FANCI: variants seen among roughly 807,000 people sequenced by gnomAD.
FANCI encodes the protein FA complementation group I.
In FANCI, 156 loss-of-function variants were observed where a neutral mutation model predicts 176.1. The ratio of observed to expected loss-of-function variants is 0.89; its 90% confidence interval spans 0.78 to 1.01. The LOEUF (loss-of-function observed/expected upper bound fraction) is 1.01. FANCI is among the 50% of genes least tolerant of loss of function. The pLI, the probability that FANCI is intolerant of heterozygous loss-of-function variation, is 0.00. For missense variants in FANCI, 1,678 were observed against 1,534.1 expected (o/e 1.09, Z -1.57); for synonymous variants, 613 against 541.7 (o/e 1.13, Z -1.83).
rs757908899 is a variant in FANCI at position 89,292,939 on chromosome 15, T to C, written c.2170-3T>C. 3.1e-6 allele frequency: 5 copies of C among 1,614,128 alleles called. No homozygotes were observed. In the Admixed American group the frequency reaches 8.3e-5, roughly 27 times the overall value. Reference sequence around the variant, plus strand: ...TTGTTAATTTTTATCTTGTGTCTTTTAGGATAAATCAGCAGATTTTTCTCA... The same window carrying C: ...TTGTTAATTTTTATCTTGTGTCTTTCAGGATAAATCAGCAGATTTTTCTCA... On this transcript the variant is annotated splice_region_variant and splice_polypyrimidine_tract_variant and intron_variant, in intron 21 of 37. Transcript: ENST00000310775.
intron 34 of FANCI, 26 bp downstream of exon 34, chr15:89,307,698 A>G (rs1055243964): frequency 3.7e-6 from 6 of 1,614,136 alleles, no homozygotes; most frequent in Admixed American, 3.3e-5. Flanking sequence ...GCAGTACCCA[A>G]TAGGTCTTCA....
intron 14 of FANCI, among the ~76,000 whole-genome samples, chr15:89,279,956 A>T (rs1596281510): frequency 6.6e-6 from 1 of 152,184 alleles, no homozygotes; most frequent in South Asian, 2.1e-4. Flanking sequence ...ACACATTAGT[A>T]TTCCTAAAAT....
chr15:89,302,363 AC>A (rs1412903090), intron 27 of FANCI, among the ~76,000 whole-genome samples: 1 of 152,072 alleles, frequency 6.6e-6, no homozygotes, highest in African/African-American at 2.4e-5. Context: ...GTTCTTTCAT[AC>A]TGCTGTTTTT....
At chr15:89,296,789 C>T (rs909163259) in intron 24 of FANCI, among the ~76,000 whole-genome samples, 18 of 151,348 alleles carry the variant, frequency 1.2e-4, no homozygotes, top group East Asian at 5.9e-4. Context: ...CCAGACGGGG[C>T]GGCTGGCCAG....
chr15:89,307,986 C>T (rs535983568), intron 34 of FANCI: 4 of 1,260,732 alleles, frequency 3.2e-6, no homozygotes, highest in East Asian at 8.4e-5. Context: ...TGCCATGAGG[C>T]ATCCTCTGGG....
chr15:89,268,567 G>C (rs1025656605), intron 10 of FANCI, 42 bp downstream of exon 10: 1 of 1,612,222 alleles, frequency 6.2e-7, no homozygotes. Flanking sequence ...TCTTTTGAAT[G>C]AAAGTGTTTG....
intron 9 of FANCI, among the ~76,000 whole-genome samples, chr15:89,267,332 ATTTTTTTT>A (rs1159827768): frequency 1.1e-5 from 1 of 94,738 alleles, no homozygotes; most frequent in African/African-American, 2.9e-5. Context: ...AAAAAAAAAA[ATTTTTTTT>A]TTTTTTTTTG....
intron 3 of FANCI, 66 bp from the exon 4 acceptor site, chr15:89,260,647 C>A: frequency 6.3e-7 from 1 of 1,589,988 alleles, no homozygotes. Context: ...CAAACCTGTT[C>A]GTTTTTCCTA....
At chr15:89,300,185 A>G in intron 25 of FANCI, 115 bp from the exon 26 acceptor site, 3 of 1,155,830 alleles carry the variant, frequency 2.6e-6, no homozygotes, top group Non-Finnish European at 3.8e-6. Context: ...ACAAAATTTT[A>G]GAAATTTAAG....
intron 24 of FANCI, among the ~76,000 whole-genome samples, chr15:89,297,410 G>A (rs1456365055): frequency 3.9e-5 from 6 of 152,114 alleles, no homozygotes; most frequent in South Asian, 4.1e-4. Context: ...CAAGGCAGGC[G>A]GCTGGGAGGT....
intron 2 of FANCI, among the ~76,000 whole-genome samples, chr15:89,251,339 C>A (rs923730228): frequency 2.0e-5 from 3 of 152,270 alleles, no homozygotes; most frequent in Non-Finnish European, 4.4e-5. Context: ...TACAAAAACA[C>A]CAGGCCCAGA....
chr15:89,312,346 A>C (rs2054997632), intron 34 of FANCI, among the ~76,000 whole-genome samples: 1 of 152,208 alleles, frequency 6.6e-6, no homozygotes. Flanking sequence ...TCCTGCCTTC[A>C]ACTTCCATGT....
intron 27 of FANCI, among the ~76,000 whole-genome samples, chr15:89,302,540 C>T (rs2054561887): frequency 6.6e-6 from 1 of 151,992 alleles, no homozygotes; most frequent in African/African-American, 2.4e-5. Flanking sequence ...CCACCTACCC[C>T]TTCTCCCTTA....
At chr15:89,307,027 A>G (rs1034247096) in intron 32 of FANCI, among the ~76,000 whole-genome samples, 8 of 152,220 alleles carry the variant, frequency 5.3e-5, no homozygotes, top group South Asian at 2.1e-4. Flanking sequence ...GTTCCTAGCA[A>G]TGATCCATAT....
chr15:89,248,774 A>T (rs1302762934), intron 2 of FANCI, among the ~76,000 whole-genome samples: 1 of 151,862 alleles, frequency 6.6e-6, no homozygotes, highest in Non-Finnish European at 1.5e-5. Context: ...ATTAATGCAA[A>T]ATCAGCTTTT....
chr15:89,244,901 A>T (rs945677004), intron 1 of FANCI, among the ~76,000 whole-genome samples: 1 of 152,180 alleles, frequency 6.6e-6, no homozygotes, highest in African/African-American at 2.4e-5. Flanking sequence ...TTTCCCTATT[A>T]TAGGGGTTCA....
At chr15:89,247,135 A>C (rs1043924600) in intron 1 of FANCI, among the ~76,000 whole-genome samples, 2 of 149,026 alleles carry the variant, frequency 1.3e-5, no homozygotes, top group Non-Finnish European at 3.0e-5. Context: ...CTGTGGCATG[A>C]TCATAGCTCA....
At chr15:89,277,017 G>C (rs373229329) in intron 13 of FANCI, 126 bp downstream of exon 13, 18 of 909,912 alleles carry the variant, frequency 2.0e-5, no homozygotes, top group South Asian at 1.4e-4. Context: ...GAGGATATAT[G>C]ACAGAGATTA....
intron 9 of FANCI, among the ~76,000 whole-genome samples, chr15:89,266,176 T>TC (rs2151329206): frequency 6.7e-6 from 1 of 148,814 alleles, no homozygotes; most frequent in South Asian, 2.2e-4. Context: ...TTTTTTTTTT[T>TC]TTTTTTTGAG....
Sources: gnomAD v4.1 joint callset for allele counts (sites outside exome capture counted in the v4.1 genomes callset) on GRCh38, gnomAD v4.1.1 for gene constraint, MANE v1.5 for transcripts, NCBI Gene and HGNC (gene_info 2026-07-23, HGNC 2026-07-21) for gene names.